Variants in SIPA1L1 observed in about 807,000 individuals in gnomAD.
The protein encoded by SIPA1L1 is signal induced proliferation associated 1 like 1.
SIPA1L1 carries 26 observed loss-of-function variants against 162.7 expected under a neutral mutation model. The observed-to-expected ratio is 0.16, with a 90% CI of 0.12 to 0.22. SIPA1L1 has a LOEUF of 0.22. Among genes scored for constraint, SIPA1L1 ranks in the 10% least tolerant of loss-of-function variants. The probability of loss-of-function intolerance (pLI) is 1.00; values close to 1 mark genes in which losing one functional copy is unlikely to be tolerated. For missense variants in SIPA1L1, 1,874 were observed against 2,241.0 expected (o/e 0.84, Z 3.31); for synonymous variants, 829 against 837.4 (o/e 0.99, Z 0.17).
rs147877532 is a variant in SIPA1L1 at position 71,544,176 on chromosome 14, C to T, written c.-303+14806C>T. 1.6e-3 allele frequency among the ~76,000 whole-genome samples: 245 copies of T among 150,038 alleles called. 2 individuals are homozygous for T. Among genetic ancestry groups the T allele is most frequent in the African/African-American group, 5.8e-3 (236 of 40,678 alleles). ...GTGTGTGTATATGTACATATATGCA[C>T]GTGTGTGTATATATACATATGCATG... On this transcript the variant is annotated intron_variant, in intron 4 of 23. Coordinates refer to ENST00000381232, the MANE Select transcript of SIPA1L1 (RefSeq NM_001386936.1).
chr14:71,708,401 T>A (rs2082634174), intron 16 of SIPA1L1, among the ~76,000 whole-genome samples: 1 of 151,786 alleles, frequency 6.6e-6, no homozygotes, highest in South Asian at 2.1e-4. Context: ...CTCGGCTCAC[T>A]GTAGCCTCAA....
chr14:71,511,508 T>G (rs1226696467), intron 2 of SIPA1L1, among the ~76,000 whole-genome samples: 1 of 152,102 alleles, frequency 6.6e-6, no homozygotes, highest in Non-Finnish European at 1.5e-5. Context: ...AGGCTGATCT[T>G]GAACTCCTGG....
chr14:71,452,007 AT>A (rs2045863708), intron 2 of SIPA1L1, among the ~76,000 whole-genome samples: 2 of 152,222 alleles, frequency 1.3e-5, no homozygotes, highest in African/African-American at 4.8e-5. Flanking sequence ...AAATATATAA[AT>A]ACCTTGACTT....
intron 6 of SIPA1L1, 38 bp from the exon 7 acceptor site, chr14:71,624,010 T>A: frequency 6.5e-7 from 1 of 1,544,946 alleles, no homozygotes; most frequent in Non-Finnish European, 8.8e-7. Context: ...GCATCTCACA[T>A]CCCAGAAGCC....
At chr14:71,544,066 C>T (rs367589729) in intron 4 of SIPA1L1, among the ~76,000 whole-genome samples, 2 of 150,438 alleles carry the variant, frequency 1.3e-5, no homozygotes, top group Non-Finnish European at 3.0e-5. Context: ...TATGTATATA[C>T]ACACGCACGC....
At chr14:71,450,950 T>C (rs2045772916) in intron 2 of SIPA1L1, among the ~76,000 whole-genome samples, 1 of 152,180 alleles carries the variant, frequency 6.6e-6, no homozygotes, top group Non-Finnish European at 1.5e-5. Flanking sequence ...GTATCAGAAT[T>C]CCCATGTTTA....
At chr14:71,406,032 C>G (rs989222092) in intron 2 of SIPA1L1, among the ~76,000 whole-genome samples, 1 of 152,050 alleles carries the variant, frequency 6.6e-6, no homozygotes, top group Non-Finnish European at 1.5e-5. Flanking sequence ...GGTAGCGTCT[C>G]GTCGAGAGAT....
rs2039509972 is a variant in SIPA1L1 at position 71,377,493 on chromosome 14, C to G, written c.-465+56312C>G. Among the ~76,000 whole-genome samples the G allele has an allele frequency of 3.3e-5, 5 of 151,350 alleles. No individual in the cohort carries two copies. The highest frequency in any genetic ancestry group is 3.4e-3 in the Middle Eastern group (1 of 292). On this transcript the variant is annotated intron_variant, in intron 2 of 23. Transcript: ENST00000381232. This position sits in a 1 kb window ranked among gnomAD's most constrained non-coding sequence, Gnocchi z 4.8. ...GCAGAGACGCTCCTCACTTCCCAGA[C>G]TGGGTGGCCAGGCAGAGGGGCTCCT...
intron 6 of SIPA1L1, among the ~76,000 whole-genome samples, chr14:71,620,364 T>A (rs142453135): frequency 4.1e-4 from 63 of 152,338 alleles, no homozygotes; most frequent in Middle Eastern, 3.4e-3. Context: ...CCACCACACC[T>A]GGCCGTTCCT....
intron 2 of SIPA1L1, chr14:71,330,477 A>C: frequency 6.2e-7 from 1 of 1,606,610 alleles, no homozygotes; most frequent in Non-Finnish European, 8.5e-7. Context: ...TCACAGCTAG[A>C]ACTTGGTCCC....
chr14:71,446,898 TTTTTTTTG>T lies in SIPA1L1; in HGVS notation c.-464-65837_-464-65830del, dbSNP rs1243864926. 4.5e-3 allele frequency among the ~76,000 whole-genome samples: 382 copies of T among 84,000 alleles called. 5 individuals carry two copies. Among genetic ancestry groups the T allele is most frequent in the African/African-American group, 8.1e-3 (140 of 17,218 alleles). 55.1% of individuals were successfully genotyped at this position (84,000 alleles called of 152,430 possible). ...AAATAAAGAGAGATGGGCTCTGTTT[TTTTTTTTG>T]TTTTTTTTTTTTTTTTTTTTTTTGA... On this transcript the variant is annotated intron_variant, in intron 2 of 23. Transcript: ENST00000381232.
chr14:71,622,778 G>C (rs1458418103), intron 6 of SIPA1L1, among the ~76,000 whole-genome samples: 2 of 152,128 alleles, frequency 1.3e-5, no homozygotes, highest in Admixed American at 6.6e-5. Context: ...TAATTTCTGA[G>C]TATACATCGT....
intron 7 of SIPA1L1, among the ~76,000 whole-genome samples, chr14:71,639,180 G>A (rs1408026341): frequency 1.3e-5 from 2 of 152,218 alleles, no homozygotes; most frequent in African/African-American, 4.8e-5. Flanking sequence ...GCCAAGGAAG[G>A]AGGATTGCTT....
intron 7 of SIPA1L1, among the ~76,000 whole-genome samples, chr14:71,646,500 A>T (rs928293236): frequency 4.6e-5 from 7 of 152,180 alleles, no homozygotes; most frequent in African/African-American, 1.4e-4. Context: ...TAAAGTGCCT[A>T]TTGTATGAGA....
chr14:71,721,821 A>T (rs1239759437), intron 17 of SIPA1L1, among the ~76,000 whole-genome samples: 1 of 152,190 alleles, frequency 6.6e-6, no homozygotes, highest in East Asian at 1.9e-4. Flanking sequence ...AAACCAGTGC[A>T]GCTCTGGGGC....
intron 4 of SIPA1L1, among the ~76,000 whole-genome samples, chr14:71,541,346 A>G (rs1190542193): frequency 6.6e-6 from 1 of 152,208 alleles, no homozygotes; most frequent in Non-Finnish European, 1.5e-5. Flanking sequence ...TATATCTATA[A>G]CAATTCCTCT....
chr14:71,463,777 T>C (rs377668236), intron 2 of SIPA1L1, among the ~76,000 whole-genome samples: 21 of 152,338 alleles, frequency 1.4e-4, no homozygotes, highest in Non-Finnish European at 2.6e-4. Flanking sequence ...TCTGCTGATA[T>C]AAATTAAGTA....
chr14:71,468,513 G>GA (rs963905600), intron 2 of SIPA1L1, among the ~76,000 whole-genome samples: 4 of 151,744 alleles, frequency 2.6e-5, no homozygotes, highest in African/African-American at 9.7e-5. Context: ...ACACACTTGG[G>GA]AAAAAAACAG....
intron 2 of SIPA1L1, among the ~76,000 whole-genome samples, chr14:71,446,441 C>T (rs2045348381): frequency 6.6e-6 from 1 of 152,126 alleles, no homozygotes; most frequent in Non-Finnish European, 1.5e-5. Flanking sequence ...GTGGCTCACA[C>T]CTGTAATCCC....
Sources: gnomAD v4.1 joint callset for allele counts (sites outside exome capture counted in the v4.1 genomes callset) on GRCh38, gnomAD v4.1.1 for gene constraint, Gnocchi (gnomAD v3.1) non-coding constraint, MANE v1.5 for transcripts, NCBI Gene and HGNC (gene_info 2026-07-23, HGNC 2026-07-21) for gene names.